Variants in PAG1 observed in about 807,000 individuals in gnomAD.
PAG1 encodes the protein phosphoprotein membrane anchor with glycosphingolipid microdomains 1.
In PAG1, 23 loss-of-function variants were observed where a neutral mutation model predicts 31.7. The observed-to-expected ratio is 0.73, with a 90% confidence interval of 0.52 to 1.03. PAG1 has a LOEUF of 1.03. Among genes scored for constraint, PAG1 ranks in the 50% least tolerant of loss-of-function variants. The pLI is 0.00. For missense variants in PAG1, 473 were observed against 540.7 expected (o/e 0.87, Z 1.24); for synonymous variants, 214 against 210.3 (o/e 1.02, Z -0.15).
At chr8:81,108,406 G>C (rs952438915) in intron 1 of PAG1, among the ~76,000 whole-genome samples, 3 of 152,194 alleles carry the variant, frequency 2.0e-5, no homozygotes, top group Non-Finnish European at 4.4e-5. Context: ...GCAGCCTACA[G>C]GAAGAGTAGA....
chr8:80,987,252 G>C, intron 6 of PAG1, 118 bp downstream of exon 6: 1 of 684,332 alleles, frequency 1.5e-6, no homozygotes, highest in Middle Eastern at 2.6e-4. Flanking sequence ...AAAACTGCTA[G>C]GAATACTAAA....
chr8:81,073,737 T>C (rs1009198945), intron 1 of PAG1, among the ~76,000 whole-genome samples: 3 of 152,352 alleles, frequency 2.0e-5, no homozygotes, highest in African/African-American at 7.2e-5. Flanking sequence ...ATCTTTCTAG[T>C]GGAGGTGGGG....
chr8:81,093,187 T>G (rs1809475233), intron 1 of PAG1, among the ~76,000 whole-genome samples: 1 of 152,210 alleles, frequency 6.6e-6, no homozygotes, highest in South Asian at 2.1e-4. Context: ...CTGTATGCCT[T>G]ACCTGAATCT....
chr8:81,042,951 C>T (rs1337057583), intron 2 of PAG1, among the ~76,000 whole-genome samples: 1 of 152,182 alleles, frequency 6.6e-6, no homozygotes, highest in Non-Finnish European at 1.5e-5. Flanking sequence ...TGCTGATGGG[C>T]TCCACCAATC....
intron 3 of PAG1, among the ~76,000 whole-genome samples, chr8:80,999,408 A>C (rs1679404190): frequency 6.6e-6 from 1 of 152,178 alleles, no homozygotes; most frequent in South Asian, 2.1e-4. Flanking sequence ...TAGATTCCTG[A>C]ATCCTTTTCT....
chr8:81,005,852 T>C (rs1807866668), intron 3 of PAG1, among the ~76,000 whole-genome samples: 1 of 152,174 alleles, frequency 6.6e-6, no homozygotes, highest in African/African-American at 2.4e-5. Context: ...TCCTGCCTTG[T>C]AACACATGGG....
At chr8:81,074,179 G>A (rs186489371) in intron 1 of PAG1, among the ~76,000 whole-genome samples, 12 of 152,154 alleles carry the variant, frequency 7.9e-5, no homozygotes, top group East Asian at 3.9e-4. Context: ...ACAGAATAGC[G>A]GCACAGGGAC....
intron 2 of PAG1, among the ~76,000 whole-genome samples, chr8:81,036,538 C>A (rs1046987047): frequency 6.6e-6 from 1 of 152,168 alleles, no homozygotes; most frequent in Admixed American, 6.5e-5. Context: ...CCATAGTAAT[C>A]ATGCAAGAAA....
chr8:81,091,167 T>G (rs1238467655), intron 1 of PAG1, among the ~76,000 whole-genome samples: 1 of 152,162 alleles, frequency 6.6e-6, no homozygotes, highest in African/African-American at 2.4e-5. Context: ...TTTATTGGCC[T>G]CCTCTATTGA....
chr8:80,978,511 G>A (rs1807229716), intron 8 of PAG1, among the ~76,000 whole-genome samples: 1 of 152,176 alleles, frequency 6.6e-6, no homozygotes, highest in South Asian at 2.1e-4. Context: ...GTAACATCAA[G>A]GAGGACAAAT....
chr8:80,986,776 G>A lies in PAG1; in HGVS notation c.274+594C>T, dbSNP rs138505021. 2.9e-3 allele frequency among the ~76,000 whole-genome samples: 418 copies of A among 145,250 alleles called. 2 individuals carry two copies. Among genetic ancestry groups the A allele is most frequent in the African/African-American group, 9.7e-3 (387 of 39,744 alleles). On this transcript the variant is annotated intron_variant, in intron 6 of 8. Transcript: ENST00000220597. ...CCTGGATTATCCAGGTGGGCCCAGT[G>A]TAATCACAAGGGTCCCTATAAGTGA...
At chr8:81,000,683 C>G (rs572122484) in intron 3 of PAG1, among the ~76,000 whole-genome samples, 47 of 152,246 alleles carry the variant, frequency 3.1e-4, no homozygotes, top group African/African-American at 1.1e-3. Context: ...CTCAAGTGAT[C>G]TGCCAGCCTA....
chr8:81,036,995 A>G (rs1459147690), intron 2 of PAG1: 2 of 152,130 alleles, frequency 1.3e-5, no homozygotes, highest in South Asian at 2.1e-4. Flanking sequence ...AAGCAGCAAG[A>G]AAGAGTAGTT....
chr8:81,076,855 C>T (rs1334311770), intron 1 of PAG1, among the ~76,000 whole-genome samples: 1 of 152,168 alleles, frequency 6.6e-6, no homozygotes, highest in African/African-American at 2.4e-5. Context: ...CTTAGGTTGT[C>T]AAGTCTGATA....
Position 80,987,306 on chromosome 8 carries a change from G to C in PAG1, c.274+64C>G, listed in dbSNP as rs2130448565. 17 of 1,013,236 alleles carry C rather than the reference G, an allele frequency of 1.7e-5. No homozygotes were observed. In the South Asian group the frequency reaches 2.3e-4, roughly 13 times the overall value. 62.8% of individuals were successfully genotyped at this position (1,013,236 alleles called of 1,614,324 possible). A position where few individuals can be genotyped will look rare whatever the true frequency, so the allele number is the denominator to read the frequency against. ...TCCTACTTTTTGAGCTATGTATTTT[G>C]AAACCTAGGACTTCCAGAGGTGATG... is the stretch of plus-strand genomic sequence containing the variant. On this transcript the variant is annotated intron_variant, in intron 6 of 8. Coordinates refer to ENST00000220597, the MANE Select transcript of PAG1 (RefSeq NM_018440.4).
At chr8:81,020,546 A>G (rs1314910677) in intron 3 of PAG1, among the ~76,000 whole-genome samples, 2 of 152,120 alleles carry the variant, frequency 1.3e-5, no homozygotes, top group Non-Finnish European at 2.9e-5. Flanking sequence ...CCGCCATGTA[A>G]GACGTGCCTT....
chr8:81,104,295 C>T (rs1809656307), intron 1 of PAG1, among the ~76,000 whole-genome samples: 2 of 152,168 alleles, frequency 1.3e-5, no homozygotes, highest in South Asian at 4.1e-4. Context: ...TGGCTTCTGC[C>T]ACTTTGTGTC....
At chr8:81,073,921 G>A (rs951083256) in intron 1 of PAG1, among the ~76,000 whole-genome samples, 5 of 152,124 alleles carry the variant, frequency 3.3e-5, no homozygotes, top group African/African-American at 1.2e-4. Flanking sequence ...GGGGAGGCAG[G>A]TCAGAGGGGG....
intron 1 of PAG1, among the ~76,000 whole-genome samples, chr8:81,102,614 C>T (rs1480520389): frequency 6.6e-6 from 1 of 152,136 alleles, no homozygotes; most frequent in Admixed American, 6.5e-5. Flanking sequence ...CCAGCCACAA[C>T]ATTCTATGTA....
Sources: allele counts gnomAD v4.1 joint callset (sites outside exome capture counted in the v4.1 genomes callset), GRCh38; gene constraint gnomAD v4.1.1; transcripts MANE v1.5; gene names NCBI Gene and HGNC (gene_info 2026-07-23, HGNC 2026-07-21).